NOS1: variants seen among roughly 807,000 people sequenced by gnomAD.
NOS1 encodes the protein nitric oxide synthase 1.
A neutral mutation model predicts 164.5 loss-of-function variants in NOS1; 51 were observed. The ratio of observed to expected loss-of-function variants is 0.31; its 90% confidence interval spans 0.25 to 0.39. NOS1 has a LOEUF of 0.39. NOS1 is among the 10% of genes least tolerant of loss of function. The probability of loss-of-function intolerance (pLI) is 1.00; values close to 1 mark genes in which losing one functional copy is unlikely to be tolerated. For missense variants in NOS1, 1,362 were observed against 1,885.6 expected (o/e 0.72, Z 5.14); for synonymous variants, 719 against 745.8 (o/e 0.96, Z 0.59).
intron 16 of NOS1, among the ~76,000 whole-genome samples, chr12:117,256,308 T>C (rs1871451866): frequency 8.1e-6 from 1 of 123,902 alleles, no homozygotes; most frequent in African/African-American, 3.6e-5. Flanking sequence ...AGACGGAGTC[T>C]CACTCTGTCA....
intron 22 of NOS1, 52 bp from the exon 23 acceptor site, chr12:117,227,693 T>C: frequency 6.4e-7 from 1 of 1,570,898 alleles, no homozygotes. Flanking sequence ...GCCACATACT[T>C]CCCATGAGGA....
chr12:117,219,560 G>C (rs1466307860), intron 27 of NOS1, among the ~76,000 whole-genome samples: 4 of 152,118 alleles, frequency 2.6e-5, no homozygotes, highest in Non-Finnish European at 4.4e-5. Context: ...TCCCACCTTG[G>C]CCTCTCAAAG....
At chr12:117,236,133 C>T (rs1429023296) in intron 20 of NOS1, among the ~76,000 whole-genome samples, 1 of 152,172 alleles carries the variant, frequency 6.6e-6, no homozygotes, top group Non-Finnish European at 1.5e-5. Context: ...ACTCGAGGAT[C>T]GATTACACTT....
At position 117,260,458 on chromosome 12, in the gene NOS1, C is replaced by G. The variant is rs751014344; in HGVS notation, c.2367+7G>C. 2.2e-5 allele frequency: 35 copies of G among 1,613,028 alleles called. No homozygotes were observed. Among genetic ancestry groups the G allele is most frequent in the Non-Finnish European group, 2.9e-5 (34 of 1,179,118 alleles). ...AGCTGGTGGAGCTAGGGCTACCCCC[C>G]ACCTACCTTGGCATCAAAGGCGTGT... On this transcript the variant is annotated splice_region_variant and intron_variant, in intron 14 of 28. Coordinates refer to ENST00000317775, the MANE Select transcript of NOS1 (RefSeq NM_000620.5).
intron 3 of NOS1, among the ~76,000 whole-genome samples, chr12:117,296,509 C>T (rs866556306): frequency 3.3e-5 from 5 of 152,182 alleles, no homozygotes; most frequent in Non-Finnish European, 5.9e-5. Flanking sequence ...ATCTTTCTCC[C>T]GTGCTGGATG....
At chr12:117,255,692 A>G (rs776152966) in intron 16 of NOS1, among the ~76,000 whole-genome samples, 1 of 152,098 alleles carries the variant, frequency 6.6e-6, no homozygotes, top group African/African-American at 2.4e-5. Context: ...TTACCCTTTG[A>G]CCCTGCCAAT....
intron 16 of NOS1, among the ~76,000 whole-genome samples, chr12:117,255,567 C>G (rs1248447458): frequency 2.6e-5 from 4 of 152,156 alleles, no homozygotes; most frequent in Non-Finnish European, 5.9e-5. Flanking sequence ...TGCAATATAT[C>G]AGGGGGTGGC....
intron 2 of NOS1, among the ~76,000 whole-genome samples, chr12:117,322,729 CT>C (rs1875040497): frequency 7.2e-6 from 1 of 139,384 alleles, no homozygotes; most frequent in Non-Finnish European, 1.6e-5. Flanking sequence ...CTCCTTCCCT[CT>C]TTCCTCCCTT....
chr12:117,360,338 C>T (rs1327728038), intron 1 of NOS1, among the ~76,000 whole-genome samples: 1 of 152,112 alleles, frequency 6.6e-6, no homozygotes, highest in Non-Finnish European at 1.5e-5. Context: ...GACGCAAGGC[C>T]CCTGAGTGGC....
chr12:117,329,773 C>G (rs9658281), intron 2 of NOS1, among the ~76,000 whole-genome samples: 1 of 152,032 alleles, frequency 6.6e-6, no homozygotes, highest in African/African-American at 2.4e-5. Flanking sequence ...TTTTAGGAAC[C>G]GGGGCCAGTT....
rs1415179103 is a variant in NOS1, at chr12:117,243,225, C to T, written c.2962+72G>A. 6.3e-7 allele frequency: 1 copy of T among 1,583,050 alleles called. No individual in the cohort carries two copies. Among genetic ancestry groups the T allele is most frequent in the East Asian group, 2.2e-5 (1 of 44,716 alleles). On this transcript the variant is annotated intron_variant, in intron 19 of 28. Transcript: ENST00000317775. This position sits in a 1 kb window ranked among gnomAD's most constrained non-coding sequence, Gnocchi z 4.3. ...AATGAAGCCCATCTTCTCTAAGCAC[C>T]TTCTGGAGGTGAGATCACCTGCCTT...
chr12:117,209,412 C>T lies in NOS1; in HGVS notation c.*5897G>A, dbSNP rs573829133. On this transcript the variant is annotated 3_prime_UTR_variant, in exon 29 of 29. Coordinates refer to ENST00000317775, the MANE Select transcript of NOS1 (RefSeq NM_000620.5). ...ATAGTGCTAAGGTTGACAGACCCTGCGCTACAGTCTCCTAGAACTTAGGAG... is the reference window on the plus strand; with the variant it reads ...ATAGTGCTAAGGTTGACAGACCCTGTGCTACAGTCTCCTAGAACTTAGGAG... 24 of 985,308 alleles carry T rather than the reference C, an allele frequency of 2.4e-5. No homozygotes were observed. Among genetic ancestry groups the T allele is most frequent in the Non-Finnish European group, 2.8e-5 (23 of 829,940 alleles). 61.0% of individuals were successfully genotyped at this position (985,308 alleles called of 1,614,324 possible). A position where few individuals can be genotyped will look rare whatever the true frequency, so the allele number is the denominator to read the frequency against.
At position 117,247,541 on chromosome 12, in the gene NOS1, A is replaced by C. The variant is rs1369541853; in HGVS notation, c.2649-19T>G. The C allele has an allele frequency of 1.2e-6, 2 of 1,600,726 alleles. No individual in the cohort carries two copies. Among genetic ancestry groups the C allele is most frequent in the Non-Finnish European group, 1.7e-6 (2 of 1,173,472 alleles). ...TGAGAACCTGTCAAGGAGATGACAG[A>C]ATGTTCATGCTAAGGGACTGTGGGG... On this transcript the variant is annotated intron_variant, in intron 17 of 28. Transcript: ENST00000317775.
intron 16 of NOS1, among the ~76,000 whole-genome samples, chr12:117,255,263 C>A (rs570282717): frequency 1.2e-3 from 184 of 152,006 alleles, no homozygotes; most frequent in Non-Finnish European, 1.8e-3. Flanking sequence ...CAAGGCAAAA[C>A]AAAACAAAGC....
intron 2 of NOS1, among the ~76,000 whole-genome samples, chr12:117,325,973 A>G (rs1875225086): frequency 6.6e-6 from 1 of 152,264 alleles, no homozygotes; most frequent in Non-Finnish European, 1.5e-5. Flanking sequence ...AAAAATATGA[A>G]GTGCGAGTAG....
chr12:117,293,099 C>T (rs935650432), intron 3 of NOS1, among the ~76,000 whole-genome samples: 1 of 152,182 alleles, frequency 6.6e-6, no homozygotes, highest in Non-Finnish European at 1.5e-5. Flanking sequence ...TCATGGCCAC[C>T]TTTGCAGCCA....
At chr12:117,228,981 C>T (rs1164309475) in intron 22 of NOS1, among the ~76,000 whole-genome samples, 5 of 152,132 alleles carry the variant, frequency 3.3e-5, no homozygotes, top group Non-Finnish European at 1.5e-5. Context: ...CAGGGTTTCA[C>T]CGTGTTAGCC....
chr12:117,226,896 TC>T, intron 23 of NOS1, 126 bp from the exon 24 acceptor site: 3 of 724,932 alleles, frequency 4.1e-6, no homozygotes, highest in Non-Finnish European at 7.2e-6. Context: ...CTCCCCAGGA[TC>T]CCTTCCTCTG....
intron 3 of NOS1, among the ~76,000 whole-genome samples, chr12:117,299,331 T>C (rs1239938604): frequency 6.6e-6 from 1 of 152,222 alleles, no homozygotes; most frequent in Non-Finnish European, 1.5e-5. Flanking sequence ...TTCCTTAAGA[T>C]AACTCCATAG....
Sources: gnomAD v4.1 joint callset for allele counts (sites outside exome capture counted in the v4.1 genomes callset) on GRCh38, gnomAD v4.1.1 for gene constraint, Gnocchi (gnomAD v3.1) non-coding constraint, MANE v1.5 for transcripts, NCBI Gene and HGNC (gene_info 2026-07-23, HGNC 2026-07-21) for gene names.